NOPCHAP1: variants seen among roughly 807,000 people sequenced by gnomAD.
NOPCHAP1 encodes NOP protein chaperone 1.
A neutral mutation model predicts 14.0 loss-of-function variants in NOPCHAP1; 13 were observed. The ratio of observed to expected loss-of-function variants is 0.93; its 90% confidence interval spans 0.60 to 1.47. The LOEUF (loss-of-function observed/expected upper bound fraction) is 1.47, where lower values mean the gene tolerates loss of function less well. NOPCHAP1 is among the 40% of genes most tolerant of loss of function. The pLI is 0.00. For synonymous variants in NOPCHAP1, 78 were observed against 78.4 expected (o/e 1.00, Z 0.03); for missense variants, 230 against 226.9 (o/e 1.01, Z -0.09).
In NOPCHAP1 at chr12:105,005,356, C is replaced by A. The variant is rs1023370962; in HGVS notation, c.*10660C>A. The A allele has an allele frequency of 1.3e-5, 2 of 152,158 alleles. No homozygotes were observed. The highest frequency in any genetic ancestry group is 4.8e-5 in the African/African-American group (2 of 41,422). The allele number at this position is 152,158 out of a possible 1,614,324, so 9.4% of individuals were successfully genotyped here. On this transcript the variant is annotated 3_prime_UTR_variant, in exon 4 of 4. Transcript: ENST00000552951. ...TAGAGAATTTTCTGGGGTTTAAATA[C>A]CCTCTAGAGGTTTCCCATTGGTTAC...
rs753351037 is a variant in NOPCHAP1, at chr12:104,991,772, A to G, written c.263A>G (p.Lys88Arg). The change falls in exon 3 of 4, where the codon AAA (lysine) becomes AGA (arginine). Residue 88 changes from lysine (K) to arginine (R), a missense_variant. Transcript: ENST00000552951. ...GCACGGGCAAATGAAAAGCTAAGAA[A>G]AGAAATGGCAGCTGCACCACCTGGT... The part of the protein sequence containing the change: ...QMARANEKLR[K>R]EMAAAPPGRF... 10 of 1,613,804 alleles carry G rather than the reference A, an allele frequency of 6.2e-6. No individual in the cohort carries two copies. Among genetic ancestry groups the G allele is most frequent in the Non-Finnish European group, 7.6e-6 (9 of 1,179,986 alleles).
At chr12:104,988,099 C>T in intron 1 of NOPCHAP1, 68 bp from the exon 2 acceptor site, 1 of 1,275,372 alleles carries the variant, frequency 7.8e-7, no homozygotes, top group Non-Finnish European at 1.1e-6. Context: ...ATGTGAGAGG[C>T]TTACTGATGG....
At position 105,001,549 on chromosome 12, in the gene NOPCHAP1, A is replaced by C. The variant is rs1244519273; in HGVS notation, c.*6853A>C. ...TTCAGGAGAGTCAGGAAACTCTAAG[A>C]TTATTTGTCCCTCTGAAAGAGAATT... On this transcript the variant is annotated 3_prime_UTR_variant, in exon 4 of 4. Coordinates refer to ENST00000552951, the MANE Select transcript of NOPCHAP1 (RefSeq NM_152318.3). The C allele has an allele frequency of 6.6e-6, 1 of 152,166 alleles. No individual in the cohort carries two copies. Among genetic ancestry groups the C allele is most frequent in the African/African-American group, 2.4e-5 (1 of 41,444 alleles). The allele number at this position is 152,166 out of a possible 1,614,324, so 9.4% of individuals were successfully genotyped here. A position where few individuals can be genotyped will look rare whatever the true frequency, so the allele number is the denominator to read the frequency against.
At chr12:104,992,583 C>CT (rs1311280416) in intron 3 of NOPCHAP1, among the ~76,000 whole-genome samples, 2 of 152,196 alleles carry the variant, frequency 1.3e-5, no homozygotes, top group Non-Finnish European at 2.9e-5. Flanking sequence ...CTGCAGTTCT[C>CT]TATCTCAGAG....
intron 2 of NOPCHAP1, among the ~76,000 whole-genome samples, chr12:104,991,395 G>A (rs1156762629): frequency 1.3e-5 from 2 of 152,190 alleles, no homozygotes; most frequent in Non-Finnish European, 2.9e-5. Flanking sequence ...GTACCCTAAA[G>A]CCTCAGAACC....
chr12:105,009,741 G>C lies in NOPCHAP1; in HGVS notation c.*15045G>C, dbSNP rs1319526892. 1.3e-5 allele frequency: 2 copies of C among 152,222 alleles called. No homozygotes were observed. The highest frequency in any genetic ancestry group is 6.5e-5 in the Admixed American group (1 of 15,290). 9.4% of individuals were successfully genotyped at this position (152,222 alleles called of 1,614,324 possible). A position where few individuals can be genotyped will look rare whatever the true frequency, so the allele number is the denominator to read the frequency against. On this transcript the variant is annotated 3_prime_UTR_variant, in exon 4 of 4. Transcript: ENST00000552951. ...AATAATCATGTGCTTTTTGTCATTG[G>C]TTCTGTTTATGTGATGGATTATGTT... is the stretch of plus-strand genomic sequence containing the variant.
In NOPCHAP1 at chr12:104,999,752, C is replaced by G. The variant is rs969878765; in HGVS notation, c.*5056C>G. On this transcript the variant is annotated 3_prime_UTR_variant, in exon 4 of 4. Transcript: ENST00000552951. ...GGGTCCTGGGGTCTCCTGCCAGATT[C>G]CAGAGGCCTGTGGTGGGAGTCAGTT... is the stretch of plus-strand genomic sequence containing the variant. 2.0e-5 allele frequency: 3 copies of G among 152,634 alleles called. No individual in the cohort carries two copies. The highest frequency in any genetic ancestry group is 1.3e-4 in the Admixed American group (2 of 15,296). 9.5% of individuals were successfully genotyped at this position (152,634 alleles called of 1,614,324 possible). A position where few individuals can be genotyped will look rare whatever the true frequency, so the allele number is the denominator to read the frequency against.
At chr12:104,988,306 T>G in intron 2 of NOPCHAP1, 53 bp downstream of exon 2, 1 of 1,412,450 alleles carries the variant, frequency 7.1e-7, no homozygotes, top group East Asian at 2.4e-5. Context: ...TTTGTCTGAT[T>G]AAGCTGTGGG....
Position 104,998,055 on chromosome 12 carries a change from T to C in NOPCHAP1, c.*3359T>C, listed in dbSNP as rs576252177. ...TTCAGCTCTGTCAGATCGGTTTAGT[T>C]CTCTCTTATAATGGCCGTTTTGTTT... On this transcript the variant is annotated 3_prime_UTR_variant, in exon 4 of 4. Coordinates refer to ENST00000552951, the MANE Select transcript of NOPCHAP1 (RefSeq NM_152318.3). The C allele has an allele frequency of 3.3e-5, 5 of 152,368 alleles. No individual in the cohort carries two copies. In the South Asian group the frequency reaches 1.0e-3, roughly 32 times the overall value. The allele number at this position is 152,368 out of a possible 1,614,324, so 9.4% of individuals were successfully genotyped here. A position where few individuals can be genotyped will look rare whatever the true frequency, so the allele number is the denominator to read the frequency against.
At position 105,004,799 on chromosome 12, in the gene NOPCHAP1, A is replaced by G. The variant is rs758366721; in HGVS notation, c.*10103A>G. 1 of 152,164 alleles carries G rather than the reference A, an allele frequency of 6.6e-6. No homozygotes were observed. The highest frequency in any genetic ancestry group is 2.4e-5 in the African/African-American group (1 of 41,446). The allele number at this position is 152,164 out of a possible 1,614,324, so 9.4% of individuals were successfully genotyped here. A position where few individuals can be genotyped will look rare whatever the true frequency, so the allele number is the denominator to read the frequency against. On this transcript the variant is annotated 3_prime_UTR_variant, in exon 4 of 4. Coordinates refer to ENST00000552951, the MANE Select transcript of NOPCHAP1 (RefSeq NM_152318.3). ...CTTTGTGGTCAAAAATCTATGTATA[A>G]CTTTTGACTCCCTGAAAACTTAACT... is the stretch of plus-strand genomic sequence containing the variant.
chr12:104,986,497 G>T (rs969208831), intron 1 of NOPCHAP1, 30 bp downstream of exon 1: 32 of 1,548,292 alleles, frequency 2.1e-5, no homozygotes, highest in Non-Finnish European at 2.6e-5. Context: ...GGCATGGGCC[G>T]CACACGTGCG....
chr12:105,008,377 A>C lies in NOPCHAP1; in HGVS notation c.*13681A>C, dbSNP rs959949648. Reference sequence around the variant, plus strand: ...TGTTTAAGTTCTTTGTAGATTATGGATATTAGCTCTTTGTCAGATGGATAC... The same window carrying C: ...TGTTTAAGTTCTTTGTAGATTATGGCTATTAGCTCTTTGTCAGATGGATAC... On this transcript the variant is annotated 3_prime_UTR_variant, in exon 4 of 4. Transcript: ENST00000552951. 1 of 152,042 alleles carries C rather than the reference A, an allele frequency of 6.6e-6. No homozygotes were observed. The allele number at this position is 152,042 out of a possible 1,614,324, so 9.4% of individuals were successfully genotyped here.
Position 105,017,093 on chromosome 12 carries a change from TC to T in NOPCHAP1, c.*22400del. 6.6e-6 allele frequency: 1 copy of T among 152,198 alleles called. No individual in the cohort carries two copies. Among genetic ancestry groups the T allele is most frequent in the Non-Finnish European group, 1.5e-5 (1 of 68,028 alleles). The allele number at this position is 152,198 out of a possible 1,614,324, so 9.4% of individuals were successfully genotyped here. ...GCAAAAATCTCATTCTGAATAAATC[TC>T]CCATCTGTTCCAATAACATTTTAAT... On this transcript the variant is annotated 3_prime_UTR_variant, in exon 4 of 4. Coordinates refer to ENST00000552951, the MANE Select transcript of NOPCHAP1 (RefSeq NM_152318.3).
chr12:105,005,884 G>C lies in NOPCHAP1; in HGVS notation c.*11188G>C, dbSNP rs1052607748. 3.9e-5 allele frequency: 6 copies of C among 152,224 alleles called. No individual in the cohort carries two copies. The highest frequency in any genetic ancestry group is 1.2e-4 in the African/African-American group (5 of 41,452). 9.4% of individuals were successfully genotyped at this position (152,224 alleles called of 1,614,324 possible). A position where few individuals can be genotyped will look rare whatever the true frequency, so the allele number is the denominator to read the frequency against. ...AGTCAAAAGCAACCTTGAATGATCA[G>C]AACCCTTCTGCCAGATTGTCTAATG... is the stretch of plus-strand genomic sequence containing the variant. On this transcript the variant is annotated 3_prime_UTR_variant, in exon 4 of 4. Coordinates refer to ENST00000552951, the MANE Select transcript of NOPCHAP1 (RefSeq NM_152318.3).
At chr12:104,992,560 C>T (rs1195191969) in intron 3 of NOPCHAP1, among the ~76,000 whole-genome samples, 1 of 152,186 alleles carries the variant, frequency 6.6e-6, no homozygotes, top group Admixed American at 6.5e-5. Flanking sequence ...TCAAAGGGTC[C>T]ATATGATCCT....
chr12:104,993,439 G>A (rs773088397), intron 3 of NOPCHAP1, among the ~76,000 whole-genome samples: 8 of 152,090 alleles, frequency 5.3e-5, no homozygotes, highest in East Asian at 1.9e-4. Flanking sequence ...GTGGTCAGCC[G>A]CTCTGTCTCT....
rs759800635 is a variant in NOPCHAP1, at chr12:105,015,165, G to T, written c.*20469G>T. ...CGCTAAATGTGTAAAGAAATGAGCA[G>T]ATCTGAAACAAGATTTTTTCAGCTG... On this transcript the variant is annotated 3_prime_UTR_variant, in exon 4 of 4. Transcript: ENST00000552951. The T allele has an allele frequency of 1.2e-4, 19 of 152,212 alleles. No homozygotes were observed. Among genetic ancestry groups the T allele is most frequent in the Admixed American group, 9.2e-4 (14 of 15,274 alleles). 9.4% of individuals were successfully genotyped at this position (152,212 alleles called of 1,614,324 possible). A position where few individuals can be genotyped will look rare whatever the true frequency, so the allele number is the denominator to read the frequency against.
chr12:104,986,452 A>G lies in NOPCHAP1; in HGVS notation c.100A>G (p.Ser34Gly), dbSNP rs764224128. 34 of 1,604,280 alleles carry G rather than the reference A, an allele frequency of 2.1e-5. No individual in the cohort carries two copies. In the East Asian group the frequency reaches 6.7e-4, roughly 32 times the overall value. ...GTCCAAGGAGCTGCTGACGGCGGGAAGCGACGGCCGCGGAGGTGACGGACG... is the reference window on the plus strand; with the variant it reads ...GTCCAAGGAGCTGCTGACGGCGGGAGGCGACGGCCGCGGAGGTGACGGACG... ...PVSKELLTAG[S>G]DGRGGIWDRL... The change falls in exon 1 of 4, where the codon AGC (serine) becomes GGC (glycine). Residue 34 changes from serine (S) to glycine (G), a missense_variant. Coordinates refer to ENST00000552951, the MANE Select transcript of NOPCHAP1 (RefSeq NM_152318.3).
At chr12:104,993,865 C>T (rs1873435463) in intron 3 of NOPCHAP1, among the ~76,000 whole-genome samples, 2 of 152,096 alleles carry the variant, frequency 1.3e-5, no homozygotes, top group African/African-American at 2.4e-5. Context: ...GTTATTGAGT[C>T]TCTAGTACCT....
Sources: allele counts gnomAD v4.1 joint callset (sites outside exome capture counted in the v4.1 genomes callset), GRCh38; gene constraint gnomAD v4.1.1; transcripts MANE v1.5; gene names NCBI Gene and HGNC (gene_info 2026-07-23, HGNC 2026-07-21).